Variants in RSPO3 observed in about 807,000 individuals in gnomAD.
RSPO3 encodes the protein R-spondin 3.
Under a neutral mutation model 36.5 loss-of-function variants are expected in RSPO3, and 17 were observed. The observed-to-expected ratio is 0.47, with a 90% CI of 0.32 to 0.70. The LOEUF (loss-of-function observed/expected upper bound fraction) is 0.70, where lower values mean the gene tolerates loss of function less well. RSPO3 is among the 30% of genes least tolerant of loss of function. The pLI is 0.04. For missense variants in RSPO3, 294 were observed against 322.5 expected, an observed-to-expected ratio of 0.91 and a Z score of 0.68; for synonymous variants, 108 against 107.0, an observed-to-expected ratio of 1.01 and a Z score of -0.06.
At position 127,197,480 on chromosome 6, in the gene RSPO3, C is replaced by T; in HGVS notation, c.*1473C>T. ...CACCAGTGTTTCACAGAGGACACAG[C>T]CCACCCCTTGCAGGAGGAGGTATCT... On this transcript the variant is annotated 3_prime_UTR_variant, in exon 5 of 5. Coordinates refer to ENST00000356698, the MANE Select transcript of RSPO3 (RefSeq NM_032784.5). 1 of 1,550,598 alleles carries T rather than the reference C, an allele frequency of 6.4e-7. No individual in the cohort carries two copies. Among genetic ancestry groups the T allele is most frequent in the Non-Finnish European group, 8.7e-7 (1 of 1,146,968 alleles).
intron 1 of RSPO3, among the ~76,000 whole-genome samples, chr6:127,122,199 AG>A (rs1197300809): frequency 6.6e-6 from 1 of 152,224 alleles, no homozygotes; most frequent in African/African-American, 2.4e-5. Flanking sequence ...TAGTGATCCT[AG>A]TTATTACAAA....
At position 127,192,767 on chromosome 6, in the gene RSPO3, C is replaced by A. The variant is rs527559657; in HGVS notation, c.635-3056C>A. The A allele has an allele frequency of 9.6e-6, 7 of 732,880 alleles. No homozygotes were observed. In the South Asian group the frequency reaches 3.7e-4, roughly 39 times the overall value. 45.4% of individuals were successfully genotyped at this position (732,880 alleles called of 1,614,324 possible). ...AATATTCAGTGAATGGCAAAGCACACGTGTGTGTGTATATATATATGTGTG... is the reference window on the plus strand; with the variant it reads ...AATATTCAGTGAATGGCAAAGCACAAGTGTGTGTGTATATATATATGTGTG... On this transcript the variant is annotated intron_variant, in intron 4 of 4. Coordinates refer to ENST00000356698, the MANE Select transcript of RSPO3 (RefSeq NM_032784.5).
intron 1 of RSPO3, among the ~76,000 whole-genome samples, chr6:127,120,558 G>C (rs1363458489): frequency 1.3e-5 from 2 of 152,228 alleles, no homozygotes; most frequent in Non-Finnish European, 2.9e-5. Flanking sequence ...TCGGGGCAGC[G>C]CGGAGGACAC....
intron 1 of RSPO3, among the ~76,000 whole-genome samples, chr6:127,129,622 T>G (rs1436959020): frequency 6.6e-6 from 1 of 152,106 alleles, no homozygotes; most frequent in African/African-American, 2.4e-5. Flanking sequence ...GTAGGAAATA[T>G]ACCAGAAAAC....
chr6:127,186,670 TAGTC>T (rs1171118749), intron 4 of RSPO3, among the ~76,000 whole-genome samples: 3 of 152,166 alleles, frequency 2.0e-5, no homozygotes, highest in Non-Finnish European at 4.4e-5. Context: ...ACTTTAAACT[TAGTC>T]ATTGATTATA....
rs958605768 is a variant in RSPO3 at position 127,197,638 on chromosome 6, C to T, written c.*1631C>T. The T allele has an allele frequency of 1.1e-5, 14 of 1,319,638 alleles. No individual in the cohort carries two copies. The highest frequency in any genetic ancestry group is 1.5e-5 in the African/African-American group (1 of 68,218). 81.7% of individuals were successfully genotyped at this position (1,319,638 alleles called of 1,614,324 possible). On this transcript the variant is annotated 3_prime_UTR_variant, in exon 5 of 5. Transcript: ENST00000356698. ...GCTTTCTGAAGAATTTGCAATGACTCTGGCTTCTGGCTGCTTATCTCTGGA... is the reference window on the plus strand; with the variant it reads ...GCTTTCTGAAGAATTTGCAATGACTTTGGCTTCTGGCTGCTTATCTCTGGA...
At chr6:127,138,376 A>G (rs1028000620) in intron 1 of RSPO3, among the ~76,000 whole-genome samples, 3 of 152,222 alleles carry the variant, frequency 2.0e-5, no homozygotes, top group Admixed American at 6.5e-5. Flanking sequence ...GTCTGTGTCT[A>G]TGGTACTTAA....
intron 1 of RSPO3, among the ~76,000 whole-genome samples, chr6:127,134,303 C>T (rs1214910987): frequency 6.6e-6 from 1 of 152,148 alleles, no homozygotes; most frequent in African/African-American, 2.4e-5. Context: ...TTAAGTAAGC[C>T]TTGTAATGGT....
chr6:127,169,235 T>C (rs866190631), intron 4 of RSPO3, among the ~76,000 whole-genome samples: 3 of 151,812 alleles, frequency 2.0e-5, no homozygotes, highest in Admixed American at 1.3e-4. Flanking sequence ...GGTTTTTTGT[T>C]TTATTTTGCT....
At chr6:127,135,159 C>T (rs1454816847) in intron 1 of RSPO3, among the ~76,000 whole-genome samples, 4 of 152,300 alleles carry the variant, frequency 2.6e-5, no homozygotes, top group South Asian at 2.1e-4. Flanking sequence ...CGGTGGCTCA[C>T]GCCTGTAATC....
At chr6:127,188,871 C>T (rs1775351302) in intron 4 of RSPO3, among the ~76,000 whole-genome samples, 1 of 152,122 alleles carries the variant, frequency 6.6e-6, no homozygotes, top group Non-Finnish European at 1.5e-5. Context: ...CACAGCTGGG[C>T]TCTTTCCTTG....
chr6:127,173,117 ATAT>A (rs1774975270), intron 4 of RSPO3, among the ~76,000 whole-genome samples: 1 of 151,738 alleles, frequency 6.6e-6, no homozygotes, highest in Admixed American at 6.6e-5. Flanking sequence ...CTTATTAATG[ATAT>A]TATCATTGTT....
chr6:127,129,573 T>C (rs1307089133), intron 1 of RSPO3, among the ~76,000 whole-genome samples: 1 of 152,066 alleles, frequency 6.6e-6, no homozygotes, highest in African/African-American at 2.4e-5. Context: ...ACCTAGTTAA[T>C]TGTCCCTAAG....
intron 4 of RSPO3, among the ~76,000 whole-genome samples, chr6:127,170,458 T>C (rs369227534): frequency 8.2e-6 from 1 of 122,082 alleles, no homozygotes; most frequent in Admixed American, 8.3e-5. Context: ...CACACAAATA[T>C]ACATATATAT....
At chr6:127,141,805 T>C (rs567241022) in intron 1 of RSPO3, among the ~76,000 whole-genome samples, 4 of 152,148 alleles carry the variant, frequency 2.6e-5, no homozygotes, top group African/African-American at 9.7e-5. Context: ...GAAAGACCAA[T>C]AGAATTTGTA....
chr6:127,167,815 G>C (rs568354018), intron 4 of RSPO3, among the ~76,000 whole-genome samples: 1 of 151,850 alleles, frequency 6.6e-6, no homozygotes, highest in African/African-American at 2.4e-5. Flanking sequence ...CAGTGTCCAA[G>C]TGTTCTCATT....
chr6:127,126,139 G>T (rs1023039957), intron 1 of RSPO3, among the ~76,000 whole-genome samples: 1 of 152,032 alleles, frequency 6.6e-6, no homozygotes, highest in Admixed American at 6.6e-5. Context: ...TCAACAAAAA[G>T]AAAAATAGGA....
chr6:127,195,727 T>C (rs1775500618), intron 4 of RSPO3, 96 bp from the exon 5 acceptor site: 2 of 791,036 alleles, frequency 2.5e-6, no homozygotes, highest in African/African-American at 3.5e-5. Flanking sequence ...CATTATGATA[T>C]ATAATCTAAG....
At chr6:127,119,713 C>G (rs1434657975) in intron 1 of RSPO3, 1 of 160,608 alleles carries the variant, frequency 6.2e-6, no homozygotes, top group Non-Finnish European at 1.4e-5. Context: ...CCGCGGTACC[C>G]GCTCACCTAG....
Sources: allele counts gnomAD v4.1 joint callset (sites outside exome capture counted in the v4.1 genomes callset), GRCh38; gene constraint gnomAD v4.1.1; transcripts MANE v1.5; gene names NCBI Gene and HGNC (gene_info 2026-07-23, HGNC 2026-07-21).